The following EPHA5 variants were observed in gnomAD, a reference collection of about 807,000 sequenced individuals.
EPHA5 encodes ephrin type-A receptor 5.
EPHA5 carries 60 observed loss-of-function variants against 105.0 expected under a neutral mutation model. The observed-to-expected ratio is 0.57, with a 90% CI of 0.46 to 0.71. The LOEUF (loss-of-function observed/expected upper bound fraction) is 0.71. Ranked by LOEUF, EPHA5 falls within the 30% of genes least tolerant of loss-of-function variation. The pLI, the probability that EPHA5 is intolerant of heterozygous loss-of-function variation, is 0.00. For synonymous variants in EPHA5, 513 were observed against 449.1 expected (o/e 1.14, Z -1.80); for missense variants, 1,218 against 1,274.7 (o/e 0.96, Z 0.68).
chr4:65,493,858 C>T (rs1423773075), intron 4 of EPHA5, among the ~76,000 whole-genome samples: 1 of 151,772 alleles, frequency 6.6e-6, no homozygotes, highest in South Asian at 2.1e-4. Context: ...ATGGGTAGAC[C>T]ACTTAAAGAA....
chr4:65,367,571 T>C, intron 8 of EPHA5, 147 bp from the exon 9 acceptor site: 2 of 686,268 alleles, frequency 2.9e-6, no homozygotes, highest in Non-Finnish European at 5.1e-6. Context: ...TACTAGTAGT[T>C]TGGATGAGAC....
chr4:65,396,451 G>A (rs1721247269), intron 8 of EPHA5, among the ~76,000 whole-genome samples: 1 of 152,156 alleles, frequency 6.6e-6, no homozygotes, highest in Non-Finnish European at 1.5e-5. Flanking sequence ...AGGCCACCCT[G>A]CAAGCAGTGC....
chr4:65,633,274 C>T (rs1251013704), intron 2 of EPHA5, among the ~76,000 whole-genome samples: 1 of 151,754 alleles, frequency 6.6e-6, no homozygotes, highest in Non-Finnish European at 1.5e-5. Flanking sequence ...AGATTATGTA[C>T]TCAGAACCAT....
intron 5 of EPHA5, among the ~76,000 whole-genome samples, chr4:65,431,496 C>T (rs1232622437): frequency 6.6e-6 from 1 of 151,998 alleles, no homozygotes; most frequent in East Asian, 1.9e-4. Context: ...CATTCCTTTC[C>T]TCAAAACTCA....
chr4:65,511,302 A>G (rs1475677942), intron 3 of EPHA5, among the ~76,000 whole-genome samples: 1 of 152,184 alleles, frequency 6.6e-6, no homozygotes, highest in Non-Finnish European at 1.5e-5. Context: ...TATCTTTATA[A>G]GAGGTCCTTG....
chr4:65,378,529 G>A lies in EPHA5; in HGVS notation c.1794-11105C>T, dbSNP rs189192943. ...GTTGCAGCACTCAGATTAGGGGTTGGCAAACTACAGAGCAAGGGCCAAATC... is the reference window on the plus strand; with the variant it reads ...GTTGCAGCACTCAGATTAGGGGTTGACAAACTACAGAGCAAGGGCCAAATC... On this transcript the variant is annotated intron_variant, in intron 8 of 16. Coordinates refer to ENST00000613740, the MANE Select transcript of EPHA5 (RefSeq NM_001281766.3). Among the ~76,000 whole-genome samples the A allele has an allele frequency of 1.1e-4, 17 of 152,002 alleles. No homozygotes were observed. In the East Asian group the frequency reaches 2.3e-3, roughly 21 times the overall value.
chr4:65,490,246 A>G, intron 5 of EPHA5, 131 bp downstream of exon 5: 1 of 788,464 alleles, frequency 1.3e-6, no homozygotes, highest in Non-Finnish European at 2.0e-6. Flanking sequence ...TTGATGTGTT[A>G]TACTTTAAGT....
At chr4:65,353,486 G>A (rs1248492821) in intron 11 of EPHA5, among the ~76,000 whole-genome samples, 1 of 137,074 alleles carries the variant, frequency 7.3e-6, no homozygotes, top group East Asian at 2.2e-4. Context: ...GTTAATAACA[G>A]ACTGATATTT....
intron 3 of EPHA5, among the ~76,000 whole-genome samples, chr4:65,497,797 A>T (rs1245800610): frequency 6.6e-6 from 1 of 152,064 alleles, no homozygotes; most frequent in Non-Finnish European, 1.5e-5. Flanking sequence ...AATAATATAA[A>T]TCGAAGTAAA....
At chr4:65,587,554 A>G (rs1742236437) in intron 3 of EPHA5, among the ~76,000 whole-genome samples, 1 of 151,982 alleles carries the variant, frequency 6.6e-6, no homozygotes, top group Non-Finnish European at 1.5e-5. Flanking sequence ...CCTCAACTAC[A>G]TGTATGTTGA....
intron 2 of EPHA5, among the ~76,000 whole-genome samples, chr4:65,605,306 T>C (rs1744120889): frequency 6.6e-6 from 1 of 152,140 alleles, no homozygotes; most frequent in Non-Finnish European, 1.5e-5. Context: ...ACCATATGTG[T>C]ATCATGCAGT....
intron 7 of EPHA5, 63 bp downstream of exon 7, chr4:65,414,221 C>T: frequency 9.6e-6 from 14 of 1,463,618 alleles, no homozygotes; most frequent in Middle Eastern, 1.7e-4. Context: ...GGGTATTGAT[C>T]CACTGACTCT....
chr4:65,352,842 G>T (rs1200666101), intron 12 of EPHA5, among the ~76,000 whole-genome samples, 200 bp downstream of exon 12: 3 of 144,318 alleles, frequency 2.1e-5, no homozygotes, highest in Admixed American at 7.0e-5. Context: ...CATATAATTT[G>T]GATTTGTGTG....
intron 5 of EPHA5, among the ~76,000 whole-genome samples, chr4:65,487,762 C>G (rs1308578851): frequency 2.6e-5 from 4 of 152,146 alleles, no homozygotes; most frequent in Non-Finnish European, 5.9e-5. Flanking sequence ...TAGCCTCTGA[C>G]TTTTGACAGA....
intron 2 of EPHA5, among the ~76,000 whole-genome samples, chr4:65,637,663 CA>C (rs1160053685): frequency 6.8e-6 from 1 of 146,876 alleles, no homozygotes; most frequent in Non-Finnish European, 1.5e-5. Flanking sequence ...CATAGAAATG[CA>C]ATAGAAGGTC....
At chr4:65,604,391 T>C (rs11935241) in intron 2 of EPHA5, among the ~76,000 whole-genome samples, 74,924 of 152,100 alleles carry the variant, frequency 0.49, 20,162 homozygotes, top group Middle Eastern at 0.65. Flanking sequence ...ATGGAAACTA[T>C]AATTTTCTTT....
chr4:65,482,537 CAT>C (rs1730477330), intron 5 of EPHA5, among the ~76,000 whole-genome samples: 1 of 152,040 alleles, frequency 6.6e-6, no homozygotes, highest in Admixed American at 6.6e-5. Context: ...ACACGGATCT[CAT>C]AATAGGTAGC....
At chr4:65,507,025 T>C (rs1404752773) in intron 3 of EPHA5, among the ~76,000 whole-genome samples, 1 of 152,144 alleles carries the variant, frequency 6.6e-6, no homozygotes, top group Non-Finnish European at 1.5e-5. Flanking sequence ...CTTTAATCCA[T>C]CTTGAATTAA....
chr4:65,625,710 A>C (rs1262773639), intron 2 of EPHA5, among the ~76,000 whole-genome samples: 1 of 152,220 alleles, frequency 6.6e-6, no homozygotes, highest in Non-Finnish European at 1.5e-5. Flanking sequence ...TAATTGATTC[A>C]ATTTACAATT....
Sources: allele counts gnomAD v4.1 joint callset (sites outside exome capture counted in the v4.1 genomes callset), GRCh38; gene constraint gnomAD v4.1.1; transcripts MANE v1.5; gene names NCBI Gene and HGNC (gene_info 2026-07-23, HGNC 2026-07-21).